Variants in IFNAR1 observed in about 807,000 individuals in gnomAD.
IFNAR1 encodes the protein interferon alpha/beta receptor 1.
In IFNAR1, 47 loss-of-function variants were observed where a neutral mutation model predicts 62.1. The observed-to-expected ratio is 0.76, with a 90% confidence interval of 0.60 to 0.97. The LOEUF is 0.97. Ranked by LOEUF, IFNAR1 falls within the 50% of genes least tolerant of loss-of-function variation. The pLI is 0.00. For missense variants in IFNAR1, 638 were observed against 654.5 expected (o/e 0.97, Z 0.27); for synonymous variants, 219 against 226.9 (o/e 0.97, Z 0.31).
rs2083289423 is a variant in IFNAR1 at position 33,341,147 on chromosome 21, G to C, written c.349G>C (p.Val117Leu). The change falls in exon 3 of 11, where the codon GTT (valine) becomes CTT (leucine). Residue 117 changes from valine (V) to leucine (L), a missense_variant. By Grantham distance (32) the Val-to-Leu change is conservative. Transcript: ENST00000270139. ...AGAAAACACTTCTTCATGGTATGAGGTTGACTCATTTACACCATTTCGCAA... is the reference window on the plus strand; with the variant it reads ...AGAAAACACTTCTTCATGGTATGAGCTTGACTCATTTACACCATTTCGCAA... ...EKENTSSWYE[V>L]DSFTPFRKAQ... 6.2e-7 allele frequency: 1 copy of C among 1,612,050 alleles called. No homozygotes were observed. The highest frequency in any genetic ancestry group is 1.7e-5 in the Admixed American group (1 of 59,540).
Position 33,356,519 on chromosome 21 carries a change from T to C in IFNAR1, c.*970T>C, listed in dbSNP as rs1214981264. On this transcript the variant is annotated 3_prime_UTR_variant, in exon 11 of 11. Transcript: ENST00000270139. ...ATCACAGTATCTACCCTTACATGGT[T>C]TAGGATTAAAGCCAGGCAATCTTTT... 1.3e-5 allele frequency: 2 copies of C among 152,162 alleles called. No individual in the cohort carries two copies. The highest frequency in any genetic ancestry group is 2.1e-4 in the South Asian group (1 of 4,822). The allele number at this position is 152,162 out of a possible 1,614,324, so 9.4% of individuals were successfully genotyped here.
chr21:33,342,688 CAAAAAAAAAA>C (rs757422966), intron 3 of IFNAR1, among the ~76,000 whole-genome samples: 1 of 93,518 alleles, frequency 1.1e-5, no homozygotes, highest in East Asian at 2.9e-4. Context: ...ACTAAAAATA[CAAAAAAAAAA>C]AAAAAAAAAC....
chr21:33,353,380 T>TA (rs1308630236), intron 9 of IFNAR1, among the ~76,000 whole-genome samples: 1 of 152,204 alleles, frequency 6.6e-6, no homozygotes, highest in Non-Finnish European at 1.5e-5. Context: ...TGCTGAAGGA[T>TA]ACTTGCATGT....
Position 33,343,679 on chromosome 21 carries a change from A to G in IFNAR1, c.673+3A>G. 1 of 1,571,576 alleles carries G rather than the reference A, an allele frequency of 6.4e-7. No individual in the cohort carries two copies. Among genetic ancestry groups the G allele is most frequent in the Non-Finnish European group, 8.6e-7 (1 of 1,161,896 alleles). The stretch of plus-strand genomic sequence containing the variant: ...AGTACATTGTATAAAGACCACAGGT[A>G]AGGAAGATGTTTTGTTTTAGATTCA... On this transcript the variant is annotated splice_donor_region_variant and intron_variant, in intron 5 of 10. Transcript: ENST00000270139.
At chr21:33,344,105 C>T (rs745500866) in intron 5 of IFNAR1, among the ~76,000 whole-genome samples, 20 of 151,996 alleles carry the variant, frequency 1.3e-4, no homozygotes, top group African/African-American at 1.9e-4. Context: ...GAGCCAAGAT[C>T]GCGCCACTGC....
intron 2 of IFNAR1, among the ~76,000 whole-genome samples, chr21:33,336,639 A>G (rs1451555014): frequency 6.6e-6 from 1 of 152,090 alleles, no homozygotes; most frequent in Non-Finnish European, 1.5e-5. Flanking sequence ...AAGATATGGC[A>G]TTGTACTCCA....
chr21:33,348,142 T>C (rs1388461997), intron 6 of IFNAR1, among the ~76,000 whole-genome samples: 6 of 152,238 alleles, frequency 3.9e-5, no homozygotes, highest in African/African-American at 1.4e-4. Flanking sequence ...TTAACCTCTT[T>C]AGTCTCGTAC....
At chr21:33,349,641 T>A in intron 8 of IFNAR1, 98 bp downstream of exon 8, 1 of 896,658 alleles carries the variant, frequency 1.1e-6, no homozygotes, top group East Asian at 2.7e-5. Context: ...ATTTTTAAAC[T>A]TTATGTGGGC....
rs1264237569 is a variant in IFNAR1, at chr21:33,357,551, A to G, written c.*2002A>G. 1 of 142,416 alleles carries G rather than the reference A, an allele frequency of 7.0e-6. No individual in the cohort carries two copies. The highest frequency in any genetic ancestry group is 1.5e-5 in the Non-Finnish European group (1 of 67,102). The allele number at this position is 142,416 out of a possible 1,614,324, so 8.8% of individuals were successfully genotyped here. A position where few individuals can be genotyped will look rare whatever the true frequency, so the allele number is the denominator to read the frequency against. On this transcript the variant is annotated 3_prime_UTR_variant, in exon 11 of 11. Coordinates refer to ENST00000270139, the MANE Select transcript of IFNAR1 (RefSeq NM_000629.3). ...GGCTGTTTTTTTTTTTTTTTGAGAC[A>G]GTCTCATTCTGTTGCCCAGGCTGGA... is the stretch of plus-strand genomic sequence containing the variant.
chr21:33,339,472 G>A (rs886460704), intron 2 of IFNAR1, among the ~76,000 whole-genome samples: 4 of 152,018 alleles, frequency 2.6e-5, no homozygotes, highest in African/African-American at 9.7e-5. Context: ...ATTATCTCTG[G>A]TTTCTAATAT....
At chr21:33,342,492 C>G (rs1033496884) in intron 3 of IFNAR1, among the ~76,000 whole-genome samples, 5 of 152,190 alleles carry the variant, frequency 3.3e-5, no homozygotes, top group Non-Finnish European at 5.9e-5. Context: ...CCTTTCTATA[C>G]TAATCTTCCA....
intron 2 of IFNAR1, among the ~76,000 whole-genome samples, chr21:33,336,595 A>T (rs978298894): frequency 6.6e-6 from 1 of 152,060 alleles, no homozygotes; most frequent in Non-Finnish European, 1.5e-5. Context: ...GCTTCTTTCA[A>T]TATAAGTTGG....
At position 33,359,345 on chromosome 21, in the gene IFNAR1, A is replaced by T. The variant is rs2083478343; in HGVS notation, c.*3796A>T. ...TGTACTTAGTGAATTTGTATGCAAC[A>T]GAGATGCTGCAGCTGATGCCTTTAA... On this transcript the variant is annotated 3_prime_UTR_variant, in exon 11 of 11. Transcript: ENST00000270139. 6.6e-6 allele frequency: 1 copy of T among 152,198 alleles called. No homozygotes were observed. Among genetic ancestry groups the T allele is most frequent in the African/African-American group, 2.4e-5 (1 of 41,438 alleles). 9.4% of individuals were successfully genotyped at this position (152,198 alleles called of 1,614,324 possible).
At chr21:33,336,745 C>T (rs899122447) in intron 2 of IFNAR1, among the ~76,000 whole-genome samples, 1 of 129,120 alleles carries the variant, frequency 7.7e-6, no homozygotes, top group African/African-American at 2.9e-5. Context: ...ATTTTAGGTA[C>T]ACTTTTTTTT....
At chr21:33,336,601 G>A (rs1314903400) in intron 2 of IFNAR1, among the ~76,000 whole-genome samples, 1 of 152,122 alleles carries the variant, frequency 6.6e-6, no homozygotes, top group Non-Finnish European at 1.5e-5. Context: ...TTCAATATAA[G>A]TTGGGGTCTG....
At chr21:33,336,205 A>T (rs1452125103) in intron 2 of IFNAR1, among the ~76,000 whole-genome samples, 4 of 137,760 alleles carry the variant, frequency 2.9e-5, no homozygotes, top group Non-Finnish European at 6.2e-5. Context: ...TAGTTTACTG[A>T]GAATGATGAT....
intron 2 of IFNAR1, among the ~76,000 whole-genome samples, chr21:33,338,748 G>GTTT (rs1017624258): frequency 6.9e-6 from 1 of 144,500 alleles, no homozygotes. Context: ...TTTGTTGTTG[G>GTTT]TTTTTTTTTT....
At position 33,353,740 on chromosome 21, in the gene IFNAR1, A is replaced by T; in HGVS notation, c.1397A>T (p.Tyr466Phe). Residue 466 changes from tyrosine to phenylalanine, a missense_variant, in exon 10 of 11, where the codon TAT becomes TTT. Transcript: ENST00000270139. The part of the protein sequence containing the change: ...AAKVFLRCIN[Y>F]VFFPSLKPSS... ...AAAGTCTTCTTGAGATGCATCAATT[A>T]TGTCTTCTTTCCATCACTTAAACCT... 6.3e-7 allele frequency: 1 copy of T among 1,590,254 alleles called. No individual in the cohort carries two copies. The highest frequency in any genetic ancestry group is 8.5e-7 in the Non-Finnish European group (1 of 1,170,858).
chr21:33,356,858 A>G lies in IFNAR1; in HGVS notation c.*1309A>G, dbSNP rs1238390216. 1 of 152,180 alleles carries G rather than the reference A, an allele frequency of 6.6e-6. No individual in the cohort carries two copies. The highest frequency in any genetic ancestry group is 1.5e-5 in the Non-Finnish European group (1 of 68,032). The allele number at this position is 152,180 out of a possible 1,614,324, so 9.4% of individuals were successfully genotyped here. On this transcript the variant is annotated 3_prime_UTR_variant, in exon 11 of 11. Coordinates refer to ENST00000270139, the MANE Select transcript of IFNAR1 (RefSeq NM_000629.3). Reference sequence around the variant, plus strand: ...CCACTGGAAGCCTGAGCACCTAATCAGCTCTCAGTGATCAACCCACTCTTG... The same window carrying G: ...CCACTGGAAGCCTGAGCACCTAATCGGCTCTCAGTGATCAACCCACTCTTG...
Sources: gnomAD v4.1 joint callset for allele counts (sites outside exome capture counted in the v4.1 genomes callset) on GRCh38, gnomAD v4.1.1 for gene constraint, MANE v1.5 for transcripts, NCBI Gene and HGNC (gene_info 2026-07-23, HGNC 2026-07-21) for gene names.